Variants in ANKRD44 observed in about 807,000 individuals in gnomAD.
ANKRD44 encodes the protein ankyrin repeat domain 44.
In ANKRD44, 35 loss-of-function variants were observed where a neutral mutation model predicts 116.0. The observed-to-expected ratio is 0.30, with a 90% CI of 0.23 to 0.40. The LOEUF (loss-of-function observed/expected upper bound fraction) is 0.40, where lower values mean the gene tolerates loss of function less well. ANKRD44 is among the 10% of genes least tolerant of loss of function. The probability of loss-of-function intolerance (pLI) is 1.00; values close to 1 mark genes in which losing one functional copy is unlikely to be tolerated. For synonymous variants in ANKRD44, 435 were observed against 461.8 expected (o/e 0.94, Z 0.74); for missense variants, 1,014 against 1,242.6 (o/e 0.82, Z 2.77).
chr2:197,268,956 G>T (rs145940538), intron 1 of ANKRD44, among the ~76,000 whole-genome samples: 1 of 152,098 alleles, frequency 6.6e-6, no homozygotes, highest in Admixed American at 6.5e-5. Flanking sequence ...GATGTATCTC[G>T]TGGAACCTTA....
intron 1 of ANKRD44, among the ~76,000 whole-genome samples, chr2:197,290,399 C>A (rs1409084798): frequency 6.6e-6 from 1 of 151,984 alleles, no homozygotes; most frequent in Non-Finnish European, 1.5e-5. Context: ...TGTATATCTT[C>A]TTTTGAGAAA....
At chr2:197,305,965 TTTTATATATATATATATA>T (rs1270509856) in intron 1 of ANKRD44, among the ~76,000 whole-genome samples, 1 of 90,678 alleles carries the variant, frequency 1.1e-5, no homozygotes, top group African/African-American at 4.9e-5. Flanking sequence ...CCGCAGTTCG[TTTTATATATATATATATA>T]TATATATATG....
intron 1 of ANKRD44, among the ~76,000 whole-genome samples, chr2:197,246,945 A>C (rs1372888602): frequency 6.6e-6 from 1 of 152,152 alleles, no homozygotes; most frequent in African/African-American, 2.4e-5. Flanking sequence ...CCATGTTCTA[A>C]TGTCAACAAA....
intron 1 of ANKRD44, among the ~76,000 whole-genome samples, chr2:197,234,950 T>A (rs939276930): frequency 3.9e-5 from 6 of 152,226 alleles, no homozygotes; most frequent in African/African-American, 1.4e-4. Context: ...GTTAACAGGC[T>A]AGACTCAATG....
chr2:197,122,134 G>C (rs2078871522), intron 7 of ANKRD44, among the ~76,000 whole-genome samples: 1 of 152,006 alleles, frequency 6.6e-6, no homozygotes, highest in African/African-American at 2.4e-5. Context: ...CTGGATGCCT[G>C]GTTTCCTCAT....
rs571177400 is a variant in ANKRD44 at position 197,093,172 on chromosome 2, T to C, written c.1101-3140A>G. Among the ~76,000 whole-genome samples, 9 of 151,964 alleles carry C rather than the reference T, an allele frequency of 5.9e-5. No homozygotes were observed. The South Asian group carries it at 1.9e-3, about 32-fold the overall frequency. On this transcript the variant is annotated intron_variant, in intron 10 of 27. Transcript: ENST00000282272. ...TAAAAATATATATACACATAATATA[T>C]ATACAATATAGTTTATAAAGTTCCA...
At chr2:197,158,483 T>C (rs1026453040) in intron 2 of ANKRD44, among the ~76,000 whole-genome samples, 4 of 152,100 alleles carry the variant, frequency 2.6e-5, no homozygotes. Context: ...CAAACATAGA[T>C]TAATGAGAGG....
At chr2:197,023,445 G>A (rs1371910329) in intron 17 of ANKRD44, among the ~76,000 whole-genome samples, 1 of 152,074 alleles carries the variant, frequency 6.6e-6, no homozygotes, top group Non-Finnish European at 1.5e-5. Flanking sequence ...CCTTTCCTGG[G>A]TCTCTGTCAG....
intron 1 of ANKRD44, among the ~76,000 whole-genome samples, chr2:197,188,754 C>T (rs1045405441): frequency 6.6e-6 from 1 of 152,108 alleles, no homozygotes; most frequent in African/African-American, 2.4e-5. Context: ...TATGCACACA[C>T]ACACATTCAC....
At chr2:197,251,912 A>G (rs753038435) in intron 1 of ANKRD44, among the ~76,000 whole-genome samples, 27 of 152,202 alleles carry the variant, frequency 1.8e-4, no homozygotes, top group Non-Finnish European at 3.5e-4. Context: ...TCTTCAAAAG[A>G]CATACTAGGA....
At chr2:197,273,978 AAAATATATATATATATATAT>A (rs2082986098) in intron 1 of ANKRD44, among the ~76,000 whole-genome samples, 1 of 49,728 alleles carries the variant, frequency 2.0e-5, no homozygotes, top group Non-Finnish European at 3.7e-5. Context: ...AAAAAAAAAA[AAAATATATATATATATATAT>A]ATATATATAT....
Position 197,122,614 on chromosome 2 carries a change from C to G in ANKRD44, c.693+36G>C, listed in dbSNP as rs1298929288. Reference sequence around the variant, plus strand: ...TAGAATAACAGAAATCTTACAAATACACTGGCCATGCATTGATGCATTCAT... The same window carrying G: ...TAGAATAACAGAAATCTTACAAATAGACTGGCCATGCATTGATGCATTCAT... On this transcript the variant is annotated intron_variant, in intron 7 of 27. Transcript: ENST00000282272. The G allele has an allele frequency of 1.9e-6, 3 of 1,593,332 alleles. No individual in the cohort carries two copies. In the East Asian group the frequency reaches 6.7e-5, roughly 36 times the overall value.
At chr2:197,022,187 TA>T (rs1163766111) in intron 17 of ANKRD44, among the ~76,000 whole-genome samples, 1 of 152,156 alleles carries the variant, frequency 6.6e-6, no homozygotes, top group African/African-American at 2.4e-5. Flanking sequence ...CTGAGGCCCC[TA>T]GAGAGGGTGA....
intron 2 of ANKRD44, among the ~76,000 whole-genome samples, chr2:197,156,639 G>C (rs1054619832): frequency 6.6e-6 from 1 of 152,178 alleles, no homozygotes; most frequent in African/African-American, 2.4e-5. Context: ...TGTCCATACA[G>C]AGACTTGCAC....
chr2:197,300,411 C>T (rs1234290254), intron 1 of ANKRD44, among the ~76,000 whole-genome samples: 3 of 152,186 alleles, frequency 2.0e-5, no homozygotes, highest in Non-Finnish European at 4.4e-5. Flanking sequence ...AGACTCCCTC[C>T]AGCTCCCTTC....
At chr2:197,154,216 G>T (rs1301322779) in intron 2 of ANKRD44, among the ~76,000 whole-genome samples, 3 of 116,914 alleles carry the variant, frequency 2.6e-5, no homozygotes, top group Admixed American at 1.3e-4. Flanking sequence ...GTCTCGCTCT[G>T]TCGCCCAGGC....
intron 10 of ANKRD44, among the ~76,000 whole-genome samples, chr2:197,091,808 T>A (rs1413292636): frequency 6.6e-6 from 1 of 152,238 alleles, no homozygotes; most frequent in Non-Finnish European, 1.5e-5. Context: ...TCAAACTTCA[T>A]CTTCCTAATA....
chr2:197,110,939 T>C (rs1011550508), intron 8 of ANKRD44, 95 bp from the exon 9 acceptor site: 22 of 834,550 alleles, frequency 2.6e-5, no homozygotes, highest in African/African-American at 2.0e-4. Flanking sequence ...AATAATGCCC[T>C]GAAAACATTC....
intron 2 of ANKRD44, among the ~76,000 whole-genome samples, chr2:197,168,410 C>G (rs1482727228): frequency 6.6e-6 from 1 of 152,148 alleles, no homozygotes; most frequent in Non-Finnish European, 1.5e-5. Context: ...TATTTATTTT[C>G]AAACTCAGGG....
Sources: allele counts gnomAD v4.1 joint callset (sites outside exome capture counted in the v4.1 genomes callset), GRCh38; gene constraint gnomAD v4.1.1; transcripts MANE v1.5; gene names NCBI Gene and HGNC (gene_info 2026-07-23, HGNC 2026-07-21).